Variants in CNTN5 observed in about 807,000 individuals in gnomAD.
CNTN5 encodes the protein contactin 5, also known as contactin-5.
In CNTN5, 77 loss-of-function variants were observed where a neutral mutation model predicts 129.1. That is an observed-to-expected ratio of 0.60 (90% confidence interval 0.50 to 0.72). The LOEUF is 0.72. Among genes scored for constraint, CNTN5 ranks in the 30% least tolerant of loss-of-function variants. The probability of loss-of-function intolerance (pLI) is 0.00; values close to 1 mark genes in which losing one functional copy is unlikely to be tolerated. For missense variants in CNTN5, 1,478 were observed against 1,328.8 expected, an observed-to-expected ratio of 1.11 and a Z score of -1.75; for synonymous variants, 509 against 465.6, an observed-to-expected ratio of 1.09 and a Z score of -1.20.
At chr11:100,123,206 T>C (rs1946082195) in intron 13 of CNTN5, among the ~76,000 whole-genome samples, 2 of 152,048 alleles carry the variant, frequency 1.3e-5, no homozygotes, top group African/African-American at 4.8e-5. Flanking sequence ...AGCTTTAAAA[T>C]TTGTGAAATA....
intron 1 of CNTN5, among the ~76,000 whole-genome samples, chr11:99,121,533 C>T (rs547907522): frequency 6.6e-6 from 1 of 152,316 alleles, no homozygotes; most frequent in African/African-American, 2.4e-5. Flanking sequence ...ATTGGGTTGT[C>T]TGAACAGTCT....
At chr11:99,934,205 A>C (rs999028726) in intron 7 of CNTN5, among the ~76,000 whole-genome samples, 1 of 152,214 alleles carries the variant, frequency 6.6e-6, no homozygotes, top group African/African-American at 2.4e-5. Context: ...ATCAAATATT[A>C]GTCATACAGA....
intron 3 of CNTN5, among the ~76,000 whole-genome samples, chr11:99,666,100 T>C (rs553070421): frequency 6.6e-6 from 1 of 152,140 alleles, no homozygotes; most frequent in South Asian, 2.1e-4. Context: ...CCCCATTAGC[T>C]AGAATTATAG....
intron 3 of CNTN5, among the ~76,000 whole-genome samples, chr11:99,796,082 T>A (rs575748625): frequency 6.6e-6 from 1 of 151,842 alleles, no homozygotes; most frequent in East Asian, 1.9e-4. Flanking sequence ...GCAATGTGGG[T>A]GGGGGGCAGG....
chr11:99,978,279 TAA>T (rs1938120141), intron 8 of CNTN5, among the ~76,000 whole-genome samples: 1 of 152,228 alleles, frequency 6.6e-6, no homozygotes, highest in Non-Finnish European at 1.5e-5. Flanking sequence ...AAGTTAAAAA[TAA>T]GTTTATAAAG....
At chr11:99,100,382 A>G (rs1488830303) in intron 1 of CNTN5, among the ~76,000 whole-genome samples, 1 of 152,188 alleles carries the variant, frequency 6.6e-6, no homozygotes. Flanking sequence ...TTGATCTAAC[A>G]TAAAACTTAA....
At chr11:99,675,122 A>G (rs982029481) in intron 3 of CNTN5, among the ~76,000 whole-genome samples, 2 of 152,084 alleles carry the variant, frequency 1.3e-5, no homozygotes, top group African/African-American at 2.4e-5. Flanking sequence ...CCTACTAACT[A>G]ATTGTTGGAG....
At chr11:99,610,748 A>T (rs181875453) in intron 3 of CNTN5, among the ~76,000 whole-genome samples, 2 of 152,292 alleles carry the variant, frequency 1.3e-5, no homozygotes, top group East Asian at 3.9e-4. Context: ...AAAGGTCGCA[A>T]GCTTAGTTTA....
At chr11:100,127,095 A>ATTTTTTTT (rs5794039) in intron 13 of CNTN5, among the ~76,000 whole-genome samples, 21 of 85,626 alleles carry the variant, frequency 2.5e-4, no homozygotes, top group African/African-American at 9.5e-4. Context: ...TGCGCAGCTA[A>ATTTTTTTT]TTTTTTTTTT....
intron 2 of CNTN5, among the ~76,000 whole-genome samples, chr11:99,507,653 A>T (rs1033074105): frequency 6.6e-6 from 1 of 152,184 alleles, no homozygotes; most frequent in Non-Finnish European, 1.5e-5. Context: ...GATATGGAAT[A>T]TTTACATTTT....
intron 8 of CNTN5, among the ~76,000 whole-genome samples, chr11:99,977,639 A>G (rs1260293823): frequency 1.3e-5 from 2 of 152,172 alleles, no homozygotes; most frequent in Non-Finnish European, 2.9e-5. Context: ...CCTTTAAACC[A>G]TCAAATCTTG....
At chr11:100,055,846 C>T (rs770637544) in intron 9 of CNTN5, among the ~76,000 whole-genome samples, 1 of 151,406 alleles carries the variant, frequency 6.6e-6, no homozygotes, top group Non-Finnish European at 1.5e-5. Flanking sequence ...ATAGTCTTCT[C>T]TCTCTCTCTC....
intron 2 of CNTN5, among the ~76,000 whole-genome samples, chr11:99,386,647 T>C (rs1389222061): frequency 6.6e-6 from 1 of 152,152 alleles, no homozygotes. Context: ...TCCTGTGACT[T>C]AGAATGCCTT....
At chr11:100,350,314 CTATTCCCATA>C (rs907816488) in intron 23 of CNTN5, among the ~76,000 whole-genome samples, 4 of 151,868 alleles carry the variant, frequency 2.6e-5, no homozygotes, top group Admixed American at 2.0e-4. Flanking sequence ...TCATTCCTCA[CTATTCCCATA>C]TATCCCCTCT....
intron 1 of CNTN5, among the ~76,000 whole-genome samples, chr11:99,044,101 GA>G (rs1297453904): frequency 2.0e-5 from 3 of 152,148 alleles, no homozygotes; most frequent in African/African-American, 7.2e-5. Flanking sequence ...TAAAGAACAT[GA>G]AGTAACAATC....
chr11:99,093,658 G>C (rs1352021598), intron 1 of CNTN5, among the ~76,000 whole-genome samples: 1 of 152,002 alleles, frequency 6.6e-6, no homozygotes, highest in Non-Finnish European at 1.5e-5. Flanking sequence ...TCAAATGAAT[G>C]CTTTTGTGAA....
At chr11:99,160,059 GA>G (rs1565365638) in intron 1 of CNTN5, among the ~76,000 whole-genome samples, 2 of 152,150 alleles carry the variant, frequency 1.3e-5, no homozygotes, top group African/African-American at 4.8e-5. Context: ...TATATTAAAA[GA>G]ATTTACACAA....
intron 3 of CNTN5, among the ~76,000 whole-genome samples, chr11:99,805,451 A>C (rs2135496294): frequency 6.6e-6 from 1 of 152,344 alleles, no homozygotes; most frequent in South Asian, 2.1e-4. Flanking sequence ...GAAAAAAATT[A>C]GAAATATTGT....
rs527765796 is a variant in CNTN5, at chr11:100,016,941, G to C, written c.980+14805G>C. On this transcript the variant is annotated intron_variant, in intron 9 of 24. Transcript: ENST00000524871. ...CAAAGCTTTATAAGGATGATTTTTG[G>C]TCTGAAAAACATAATTCTCATTAAT... 2.0e-5 allele frequency among the ~76,000 whole-genome samples: 3 copies of C among 151,368 alleles called. No homozygotes were observed. In the South Asian group the frequency reaches 6.3e-4, roughly 32 times the overall value.
Sources: gnomAD v4.1 joint callset for allele counts (sites outside exome capture counted in the v4.1 genomes callset) on GRCh38, gnomAD v4.1.1 for gene constraint, MANE v1.5 for transcripts, NCBI Gene and HGNC (gene_info 2026-07-23, HGNC 2026-07-21) for gene names.